Variants in CDH1 observed in about 807,000 individuals in gnomAD.
CDH1 encodes cadherin-1.
CDH1 carries 35 observed loss-of-function variants against 84.5 expected under a neutral mutation model. That is an observed-to-expected ratio of 0.41 (90% CI 0.32 to 0.55). The LOEUF is 0.55. CDH1 is among the 20% of genes least tolerant of loss of function. CDH1 has a pLI of 0.19. For synonymous variants in CDH1, 417 were observed against 439.0 expected (o/e 0.95, Z 0.63); for missense variants, 994 against 1,126.6 (o/e 0.88, Z 1.68).
chr16:68,756,440 G>T (rs1023540228), intron 2 of CDH1, among the ~76,000 whole-genome samples: 5 of 152,070 alleles, frequency 3.3e-5, no homozygotes, highest in Non-Finnish European at 2.9e-5. Context: ...TCAATATCAG[G>T]TTGAATCAGC....
At chr16:68,757,332 T>C (rs1695087183) in intron 2 of CDH1, among the ~76,000 whole-genome samples, 2 of 152,140 alleles carry the variant, frequency 1.3e-5, no homozygotes, top group Admixed American at 1.3e-4. Context: ...CCGCCCACCT[T>C]GGCCTCCCAA....
chr16:68,753,319 A>C (rs1460226456), intron 2 of CDH1, among the ~76,000 whole-genome samples: 2 of 151,234 alleles, frequency 1.3e-5, no homozygotes, highest in Non-Finnish European at 1.5e-5. Context: ...ATGAGAGAGT[A>C]CTGTAGGGCA....
intron 2 of CDH1, among the ~76,000 whole-genome samples, chr16:68,799,486 G>C (rs1471613665): frequency 6.6e-6 from 1 of 152,126 alleles, no homozygotes; most frequent in African/African-American, 2.4e-5. Context: ...GGTAGCCTCT[G>C]ATCTCAGTCT....
chr16:68,798,846 T>C (rs545839936), intron 2 of CDH1, among the ~76,000 whole-genome samples: 1 of 152,200 alleles, frequency 6.6e-6, no homozygotes, highest in Non-Finnish European at 1.5e-5. Context: ...ATTTTAGACT[T>C]AAAAGGATGG....
chr16:68,818,881 G>T (rs1054814379), intron 10 of CDH1, among the ~76,000 whole-genome samples: 1 of 150,702 alleles, frequency 6.6e-6, no homozygotes, highest in African/African-American at 2.4e-5. Context: ...GAAAGAAAGG[G>T]TTTCACTTTT....
At chr16:68,830,663 CT>C (rs1486929361) in intron 15 of CDH1, among the ~76,000 whole-genome samples, 9 of 152,126 alleles carry the variant, frequency 5.9e-5, no homozygotes, top group African/African-American at 2.2e-4. Flanking sequence ...CACGTAGACC[CT>C]TCTTCTCAGG....
chr16:68,737,576 C>T (rs1962433742), intron 1 of CDH1, 113 bp downstream of exon 1: 4 of 1,011,298 alleles, frequency 4.0e-6, no homozygotes, highest in Admixed American at 2.0e-5. Flanking sequence ...CAAGAAAGTT[C>T]GGGTCCTGAG....
chr16:68,796,560 A>G (rs1960367187), intron 2 of CDH1, among the ~76,000 whole-genome samples: 1 of 152,172 alleles, frequency 6.6e-6, no homozygotes. Flanking sequence ...GAATGCTCAG[A>G]GCCTGCCCCA....
At chr16:68,789,379 G>A (rs1214554259) in intron 2 of CDH1, among the ~76,000 whole-genome samples, 1 of 152,002 alleles carries the variant, frequency 6.6e-6, no homozygotes, top group Non-Finnish European at 1.5e-5. Context: ...TTGGAGAACA[G>A]GATGTAAAGG....
rs566719270 is a variant in CDH1 at position 68,817,799 on chromosome 16, A to G, written c.1566-1481A>G. On this transcript the variant is annotated intron_variant, in intron 10 of 15. Coordinates refer to ENST00000261769, the MANE Select transcript of CDH1 (RefSeq NM_004360.5). ...AGTGACAGAAAAGAAAGACCTAAGG[A>G]AGAGCCATGCCAACGAAAGGCCATA... Among the ~76,000 whole-genome samples, 9 of 152,338 alleles carry G rather than the reference A, an allele frequency of 5.9e-5. No homozygotes were observed. The South Asian group carries it at 1.9e-3, about 32-fold the overall frequency.
intron 2 of CDH1, among the ~76,000 whole-genome samples, chr16:68,781,644 T>G: frequency 6.6e-6 from 1 of 152,144 alleles, no homozygotes; most frequent in Non-Finnish European, 1.5e-5. Flanking sequence ...CGGCCAATTT[T>G]TTAATTTTCT....
intron 2 of CDH1, among the ~76,000 whole-genome samples, chr16:68,778,064 T>G (rs1959782841): frequency 6.6e-6 from 1 of 151,648 alleles, no homozygotes; most frequent in South Asian, 2.1e-4. Flanking sequence ...TTATTTATTT[T>G]TGAGACGGAA....
In CDH1 at chr16:68,828,298, G is replaced by C; in HGVS notation, c.2289G>C (p.Glu763Asp). The change falls in exon 14 of 16, where the codon GAG (glutamate) becomes GAC (aspartate). Residue 763 changes from glutamate to aspartate, a missense_variant. Transcript: ENST00000261769. ...ATGATGAAGAAGGAGGCGGAGAAGAGGACCAGGTGGGTTTTGAAAACCTTG... is the reference window on the plus strand; with the variant it reads ...ATGATGAAGAAGGAGGCGGAGAAGACGACCAGGTGGGTTTTGAAAACCTTG... ...YYYDEEGGGE[E>D]DQDFDLSQLH... is the part of the protein sequence containing the mutation. 1.2e-6 allele frequency: 2 copies of C among 1,614,082 alleles called. No homozygotes were observed. Among genetic ancestry groups the C allele is most frequent in the Non-Finnish European group, 1.7e-6 (2 of 1,179,960 alleles).
At chr16:68,816,034 T>G (rs1396110247) in intron 10 of CDH1, among the ~76,000 whole-genome samples, 1 of 152,252 alleles carries the variant, frequency 6.6e-6, no homozygotes, top group Non-Finnish European at 1.5e-5. Context: ...TGTGTTTTTT[T>G]GAGTTTGGAG....
intron 2 of CDH1, among the ~76,000 whole-genome samples, chr16:68,796,744 T>C (rs1597881414): frequency 6.7e-6 from 1 of 150,028 alleles, no homozygotes; most frequent in East Asian, 1.9e-4. Flanking sequence ...TTAAAAGTCA[T>C]TCTTACTAGT....
rs752733398 is a variant in CDH1, at chr16:68,813,298, C to T, written c.1138-15C>T. 1 of 1,613,722 alleles carries T rather than the reference C, an allele frequency of 6.2e-7. No homozygotes were observed. The highest frequency in any genetic ancestry group is 1.7e-5 in the Admixed American group (1 of 59,994). On this transcript the variant is annotated splice_polypyrimidine_tract_variant and intron_variant, in intron 8 of 15. Coordinates refer to ENST00000261769, the MANE Select transcript of CDH1 (RefSeq NM_004360.5). ...TCTTGGTACTTTGTAAATGACACATCTCTTTGCTCTGCAGTACAAGGGTCA... is the reference window on the plus strand; with the variant it reads ...TCTTGGTACTTTGTAAATGACACATTTCTTTGCTCTGCAGTACAAGGGTCA...
At chr16:68,738,653 T>C (rs529381605) in intron 2 of CDH1, among the ~76,000 whole-genome samples, 1 of 152,314 alleles carries the variant, frequency 6.6e-6, no homozygotes, top group East Asian at 1.9e-4. Context: ...GGGCACTTAC[T>C]AGAAGCCTTC....
chr16:68,772,894 T>G (rs1177639528), intron 2 of CDH1, among the ~76,000 whole-genome samples: 1 of 151,840 alleles, frequency 6.6e-6, no homozygotes, highest in African/African-American at 2.4e-5. Context: ...GTCACTGGAT[T>G]CCAGCCTGGG....
chr16:68,833,918 T>G lies in CDH1; in HGVS notation c.*419T>G, dbSNP rs770535752. ...GTGTATATAATTTTTTAAAAAAAAT[T>G]TGTGTGCTTCTGCTCATTACTACAC... On this transcript the variant is annotated 3_prime_UTR_variant, in exon 16 of 16. Coordinates refer to ENST00000261769, the MANE Select transcript of CDH1 (RefSeq NM_004360.5). 5.9e-6 allele frequency: 2 copies of G among 338,572 alleles called. No homozygotes were observed. Among genetic ancestry groups the G allele is most frequent in the South Asian group, 4.1e-5 (1 of 24,212 alleles). 21.0% of individuals were successfully genotyped at this position (338,572 alleles called of 1,614,324 possible). A position where few individuals can be genotyped will look rare whatever the true frequency, so the allele number is the denominator to read the frequency against.
Sources: gnomAD v4.1 joint callset for allele counts (sites outside exome capture counted in the v4.1 genomes callset) on GRCh38, gnomAD v4.1.1 for gene constraint, MANE v1.5 for transcripts, NCBI Gene and HGNC (gene_info 2026-07-23, HGNC 2026-07-21) for gene names.